Variants in CPXM2 observed in about 807,000 individuals in gnomAD.
CPXM2 encodes the protein inactive carboxypeptidase-like protein X2.
Under a neutral mutation model 86.1 loss-of-function variants are expected in CPXM2, and 66 were observed. The ratio of observed to expected loss-of-function variants is 0.77; its 90% CI spans 0.63 to 0.94. The LOEUF is 0.94. Among genes scored for constraint, CPXM2 ranks in the 40% least tolerant of loss-of-function variants. The pLI, the probability that CPXM2 is intolerant of heterozygous loss-of-function variation, is 0.00. For synonymous variants in CPXM2, 388 were observed against 400.2 expected (o/e 0.97, Z 0.36); for missense variants, 948 against 1,026.3 (o/e 0.92, Z 1.04).
intron 6 of CPXM2, among the ~76,000 whole-genome samples, chr10:123,797,334 T>C (rs1378450564): frequency 6.6e-6 from 1 of 152,218 alleles, no homozygotes; most frequent in African/African-American, 2.4e-5. Context: ...AAACGTGTTC[T>C]CCCAAATTTC....
intron 6 of CPXM2, among the ~76,000 whole-genome samples, chr10:123,783,188 T>C (rs892427371): frequency 1.3e-5 from 2 of 152,222 alleles, no homozygotes; most frequent in Non-Finnish European, 1.5e-5. Context: ...TAACAAGAAA[T>C]AGAAGCAGCT....
At chr10:123,820,862 C>T (rs918556217) in intron 4 of CPXM2, among the ~76,000 whole-genome samples, 4 of 152,336 alleles carry the variant, frequency 2.6e-5, no homozygotes, top group Non-Finnish European at 4.4e-5. Flanking sequence ...ATTGGACTCA[C>T]GTGGATAATT....
chr10:123,852,244 A>G (rs1438472356), intron 3 of CPXM2, among the ~76,000 whole-genome samples: 1 of 151,952 alleles, frequency 6.6e-6, no homozygotes, highest in Non-Finnish European at 1.5e-5. Flanking sequence ...CCCAGGTGGG[A>G]TTTTTTTCAG....
chr10:123,864,236 C>T (rs1033427500), intron 2 of CPXM2, among the ~76,000 whole-genome samples: 1 of 152,124 alleles, frequency 6.6e-6, no homozygotes, highest in South Asian at 2.1e-4. Context: ...ATCCCGCCCA[C>T]CGAGAGACCC....
chr10:123,916,174 G>A (rs2134274655), intron 2 of CPXM2, among the ~76,000 whole-genome samples: 1 of 152,324 alleles, frequency 6.6e-6, no homozygotes, highest in Admixed American at 6.5e-5. Context: ...AGCCCTAGGA[G>A]CATTATGTTG....
At chr10:123,749,197 G>A (rs74161094) in intron 13 of CPXM2, among the ~76,000 whole-genome samples, 1,795 of 152,100 alleles carry the variant, frequency 0.012, 42 homozygotes, top group African/African-American at 0.041. Flanking sequence ...ATTGTGGGGC[G>A]CTGGACGTTG....
intron 3 of CPXM2, among the ~76,000 whole-genome samples, chr10:123,846,486 A>G (rs961648102): frequency 6.6e-6 from 1 of 152,170 alleles, no homozygotes; most frequent in African/African-American, 2.4e-5. Flanking sequence ...AAAACAGGTG[A>G]AGCTTTGCTC....
At chr10:123,911,425 C>T (rs74977435) in intron 2 of CPXM2, among the ~76,000 whole-genome samples, 191 of 152,020 alleles carry the variant, frequency 1.3e-3, no homozygotes, top group African/African-American at 4.4e-3. Flanking sequence ...CTTAGGGCAT[C>T]GATGAAGTTT....
At chr10:123,807,385 T>C (rs1284956246) in intron 4 of CPXM2, among the ~76,000 whole-genome samples, 1 of 152,208 alleles carries the variant, frequency 6.6e-6, no homozygotes, top group African/African-American at 2.4e-5. Context: ...TGCCCATCTG[T>C]ATGATGTTGT....
chr10:123,764,089 C>T (rs1256597465), intron 10 of CPXM2, among the ~76,000 whole-genome samples: 1 of 152,110 alleles, frequency 6.6e-6, no homozygotes, highest in Non-Finnish European at 1.5e-5. Context: ...AACTCTGTTT[C>T]CTCCTCTCTT....
intron 12 of CPXM2, among the ~76,000 whole-genome samples, chr10:123,756,384 TGGATGTGTCCTTGACAGCCTACGGCAG>T (rs1261192052): frequency 6.6e-6 from 1 of 152,222 alleles, no homozygotes; most frequent in Non-Finnish European, 1.5e-5. Flanking sequence ...TGCTGCAAGA[TGGATGTGTCCTTGACAGCCTACGGCAG>T]GGAGGTGTCC....
chr10:123,798,396 G>C (rs888195159), intron 5 of CPXM2, among the ~76,000 whole-genome samples: 2 of 152,160 alleles, frequency 1.3e-5, no homozygotes, highest in Non-Finnish European at 2.9e-5. Context: ...CAACTAGAGA[G>C]CTTTGGGATT....
chr10:123,916,665 A>T (rs555349738), intron 2 of CPXM2, among the ~76,000 whole-genome samples: 12 of 152,346 alleles, frequency 7.9e-5, no homozygotes, highest in Middle Eastern at 6.8e-3. Context: ...AGAACCTGGC[A>T]AACATCAGGC....
At chr10:123,819,682 C>G (rs113831827) in intron 4 of CPXM2, among the ~76,000 whole-genome samples, 1,544 of 152,108 alleles carry the variant, frequency 0.01, 22 homozygotes, top group African/African-American at 0.035. Context: ...TCCGGTTGTA[C>G]AAAGGATAGT....
At chr10:123,924,026 A>AT (rs1945601787) in intron 2 of CPXM2, among the ~76,000 whole-genome samples, 1 of 152,178 alleles carries the variant, frequency 6.6e-6, no homozygotes, top group Non-Finnish European at 1.5e-5. Flanking sequence ...AATGATTGTT[A>AT]TTTTTTCAAG....
chr10:123,756,245 A>G (rs983401170), intron 12 of CPXM2, among the ~76,000 whole-genome samples: 20 of 147,642 alleles, frequency 1.4e-4, no homozygotes, highest in African/African-American at 5.4e-4. Context: ...TAACACTTAG[A>G]AAAAAACAGG....
At chr10:123,750,337 T>A in intron 13 of CPXM2, 1 of 975,718 alleles carries the variant, frequency 1.0e-6, no homozygotes, top group Non-Finnish European at 1.2e-6. Context: ...TTCCACATCA[T>A]TGCACTCCAC....
chr10:123,790,887 G>T (rs141865365), intron 6 of CPXM2, among the ~76,000 whole-genome samples: 1 of 152,294 alleles, frequency 6.6e-6, no homozygotes, highest in East Asian at 1.9e-4. Flanking sequence ...CAGTTATGAA[G>T]AAGATGCACT....
At chr10:123,828,223 A>C (rs1848088294) in intron 4 of CPXM2, among the ~76,000 whole-genome samples, 1 of 152,184 alleles carries the variant, frequency 6.6e-6, no homozygotes, top group Non-Finnish European at 1.5e-5. Context: ...AACCATACAA[A>C]TATGTCCAAC....
Sources: allele counts gnomAD v4.1 joint callset (sites outside exome capture counted in the v4.1 genomes callset), GRCh38; gene constraint gnomAD v4.1.1; transcripts MANE v1.5; gene names NCBI Gene and HGNC (gene_info 2026-07-23, HGNC 2026-07-21).